Variants in BCL11A observed in about 807,000 individuals in gnomAD.
The protein encoded by BCL11A is BCL11 transcription factor A, also known as B cell CLL/lymphoma 11A.
Under a neutral mutation model 55.9 loss-of-function variants are expected in BCL11A, and 2 were observed. The ratio of observed to expected loss-of-function variants is 0.04; its 90% CI spans 0.01 to 0.11. The LOEUF (loss-of-function observed/expected upper bound fraction) is 0.11. Among genes scored for constraint, BCL11A ranks in the 10% least tolerant of loss-of-function variants. The pLI, the probability that BCL11A is intolerant of heterozygous loss-of-function variation, is 1.00. For missense variants in BCL11A, 817 were observed against 1,137.1 expected, an observed-to-expected ratio of 0.72 and a Z score of 4.05; for synonymous variants, 465 against 473.4, an observed-to-expected ratio of 0.98 and a Z score of 0.23.
downstream of BCL11A, among the ~76,000 whole-genome samples, chr2:60,454,466 GAA>G: frequency 6.6e-6 from 1 of 151,894 alleles, no homozygotes. Flanking sequence ...GAAGTTGTCT[GAA>G]AAAAAGAGAA....
intron 2 of BCL11A, among the ~76,000 whole-genome samples, chr2:60,475,387 G>A (rs1677535791): frequency 2.0e-5 from 3 of 152,148 alleles, no homozygotes; most frequent in South Asian, 2.1e-4. Flanking sequence ...AATGTGGGTG[G>A]CCCGCTAAGG....
At chr2:60,469,031 C>T (rs1469380665) in intron 2 of BCL11A, among the ~76,000 whole-genome samples, 198 bp from the exon 3 acceptor site, 3 of 152,270 alleles carry the variant, frequency 2.0e-5, no homozygotes, top group South Asian at 2.1e-4. Context: ...TTTTCAATTT[C>T]GGTCTTTTTG....
chr2:60,488,799 G>T (rs557928731), intron 2 of BCL11A, among the ~76,000 whole-genome samples: 2 of 151,758 alleles, frequency 1.3e-5, no homozygotes, highest in African/African-American at 4.9e-5. Flanking sequence ...CGCTCTTGTT[G>T]CCCGGGCTGG....
intron 2 of BCL11A, among the ~76,000 whole-genome samples, chr2:60,530,864 TTCGAGC>T (rs1669422792): frequency 6.6e-6 from 1 of 152,098 alleles, no homozygotes; most frequent in African/African-American, 2.4e-5. Context: ...TCCTACCTCT[TTCGAGC>T]TCCTAAAAAC....
In BCL11A at chr2:60,460,440, A is replaced by G. The variant is rs1419707346; in HGVS notation, c.2472T>C (p.Ser824=). The change falls in exon 4 of 4, where the codon AGT becomes AGC. Residue 824 remains serine, a synonymous_variant. Coordinates refer to ENST00000642384, the MANE Select transcript of BCL11A (RefSeq NM_022893.4). The part of the protein sequence containing the change: ...TLEKHMKKWH[S]DRVLNNDIKT... ...TTATATCATTATTCAACACTCGATC[A>G]CTGTGCCATTTTTTCATGTGTTTCT... The G allele has an allele frequency of 6.2e-7, 1 of 1,607,348 alleles. No individual in the cohort carries two copies. Among genetic ancestry groups the G allele is most frequent in the Non-Finnish European group, 8.5e-7 (1 of 1,174,510 alleles).
At chr2:60,529,497 A>C (rs974811508) in intron 2 of BCL11A, among the ~76,000 whole-genome samples, 8 of 152,220 alleles carry the variant, frequency 5.3e-5, no homozygotes, top group African/African-American at 1.7e-4. Flanking sequence ...GATACATCAT[A>C]TGTCAAGGGC....
intron 2 of BCL11A, among the ~76,000 whole-genome samples, chr2:60,513,400 C>A (rs144263124): frequency 6.6e-6 from 1 of 152,192 alleles, no homozygotes; most frequent in East Asian, 1.9e-4. Flanking sequence ...GCTGCCTCCA[C>A]GCCCCACTTG....
intron 2 of BCL11A, among the ~76,000 whole-genome samples, chr2:60,504,306 G>A (rs1679454668): frequency 6.6e-6 from 1 of 152,150 alleles, no homozygotes; most frequent in African/African-American, 2.4e-5. Context: ...GGGTCTGCCT[G>A]GGTCCACCCT....
chr2:60,457,881 A>G lies in BCL11A; in HGVS notation c.*2523T>C. 1 of 1,049,632 alleles carries G rather than the reference A, an allele frequency of 9.5e-7. No individual in the cohort carries two copies. The highest frequency in any genetic ancestry group is 5.5e-5 in the East Asian group (1 of 18,222). 65.0% of individuals were successfully genotyped at this position (1,049,632 alleles called of 1,614,324 possible). A position where few individuals can be genotyped will look rare whatever the true frequency, so the allele number is the denominator to read the frequency against. ...CCCCTATGACAGCCATCCATGTGAC[A>G]TTCTAGCAGGCTCCCCCAAACCGCC... On this transcript the variant is annotated 3_prime_UTR_variant, in exon 4 of 4. Transcript: ENST00000642384.
At position 60,460,730 on chromosome 2, in the gene BCL11A, G is replaced by A; in HGVS notation, c.2182C>T (p.Pro728Ser). The A allele has an allele frequency of 1.2e-6, 2 of 1,614,136 alleles. No individual in the cohort carries two copies. Among genetic ancestry groups the A allele is most frequent in the Non-Finnish European group, 1.7e-6 (2 of 1,180,042 alleles). Residue 728 changes from proline (P) to serine (S), a missense_variant, in exon 4 of 4, where the codon CCG becomes TCG. Physicochemically the swap from Pro to Ser is moderately conservative, Grantham distance 74. Around this residue, in one of 4 missense-constraint regions of BCL11A, gnomAD observed 379 missense variants for 425.3 expected, o/e 0.89. Transcript: ENST00000642384. ...TTTGAGCTGGGCCTGCCCGGGCCCG[G>A]ACCACTAATATGGGGCGTGCTCCCT... ...SGGSTPHISG[P>S]GPGRPSSKEG...
At chr2:60,504,517 G>A (rs1230540866) in intron 2 of BCL11A, among the ~76,000 whole-genome samples, 1 of 151,776 alleles carries the variant, frequency 6.6e-6, no homozygotes, top group African/African-American at 2.4e-5. Context: ...TGTTCTTCTT[G>A]AAGTGGGAGC....
chr2:60,452,503 C>G, downstream of BCL11A: 1 of 1,237,122 alleles, frequency 8.1e-7, no homozygotes, highest in Non-Finnish European at 1.2e-6. Context: ...CACAAACTAG[C>G]AGGATGACAG....
At chr2:60,513,199 C>T (rs1668565023) in intron 2 of BCL11A, among the ~76,000 whole-genome samples, 2 of 152,136 alleles carry the variant, frequency 1.3e-5, no homozygotes, top group Admixed American at 6.5e-5. Context: ...CGGCTCTTCC[C>T]CAGAGTCAGG....
In BCL11A at chr2:60,535,436, T is replaced by C. The variant is rs1420893695; in HGVS notation, c.385+10535A>G. On this transcript the variant is annotated intron_variant, in intron 2 of 3. Coordinates refer to ENST00000642384, the MANE Select transcript of BCL11A (RefSeq NM_022893.4). ...ACTAAGCCCTTAAGAGCCAAACCTA[T>C]CTCTAAACATGGTAATTTATCAAAA... is the stretch of plus-strand genomic sequence containing the variant. 4 of 152,112 alleles carry C rather than the reference T, an allele frequency of 2.6e-5. No individual in the cohort carries two copies. The East Asian group carries it at 7.7e-4, about 29-fold the overall frequency. 9.4% of individuals were successfully genotyped at this position (152,112 alleles called of 1,614,324 possible).
At chr2:60,473,281 G>A (rs1677320082) in intron 2 of BCL11A, among the ~76,000 whole-genome samples, 1 of 149,170 alleles carries the variant, frequency 6.7e-6, no homozygotes, top group Non-Finnish European at 1.5e-5. Context: ...AAAAGCAGTA[G>A]AGCTGTCCCA....
At chr2:60,473,173 T>C (rs1475779473) in intron 2 of BCL11A, among the ~76,000 whole-genome samples, 1 of 152,130 alleles carries the variant, frequency 6.6e-6, no homozygotes. Context: ...AGTGTGTGCA[T>C]ATGTGTCTGT....
At chr2:60,532,511 A>G (rs1312115188) in intron 2 of BCL11A, among the ~76,000 whole-genome samples, 1 of 151,680 alleles carries the variant, frequency 6.6e-6, no homozygotes, top group Non-Finnish European at 1.5e-5. Flanking sequence ...CCCCCTTACA[A>G]TAGTTACTCT....
intron 2 of BCL11A, among the ~76,000 whole-genome samples, chr2:60,528,756 G>A (rs1669317941): frequency 6.6e-6 from 1 of 152,244 alleles, no homozygotes; most frequent in Non-Finnish European, 1.5e-5. Context: ...TAATGGGAGT[G>A]TTTCCTTTCC....
At chr2:60,479,757 T>C (rs1265117006) in intron 2 of BCL11A, among the ~76,000 whole-genome samples, 1 of 152,210 alleles carries the variant, frequency 6.6e-6, no homozygotes, top group Non-Finnish European at 1.5e-5. Context: ...CTGTCACCAT[T>C]TTAAAGAGGC....
Sources: allele counts gnomAD v4.1 joint callset (sites outside exome capture counted in the v4.1 genomes callset), GRCh38; gene constraint gnomAD v4.1.1; regional missense constraint gnomAD v4.1.1; transcripts MANE v1.5; gene names NCBI Gene and HGNC (gene_info 2026-07-23, HGNC 2026-07-21).